SRC: variants seen among roughly 807,000 people sequenced by gnomAD.
SRC encodes proto-oncogene tyrosine-protein kinase Src.
SRC carries 13 observed loss-of-function variants against 62.9 expected under a neutral mutation model. The observed-to-expected ratio is 0.21, with a 90% CI of 0.13 to 0.33. The LOEUF (loss-of-function observed/expected upper bound fraction) is 0.33. SRC is among the 10% of genes least tolerant of loss of function. SRC has a pLI of 1.00. For missense variants in SRC, 457 were observed against 737.3 expected, an observed-to-expected ratio of 0.62 and a Z score of 4.40; for synonymous variants, 302 against 317.5, an observed-to-expected ratio of 0.95 and a Z score of 0.52.
At chr20:37,377,706 A>G (rs1285193639) in intron 2 of SRC, among the ~76,000 whole-genome samples, 1 of 152,206 alleles carries the variant, frequency 6.6e-6, no homozygotes, top group Non-Finnish European at 1.5e-5. Context: ...GAAGCTCTTG[A>G]ATATTTTTTA....
intron 2 of SRC, among the ~76,000 whole-genome samples, chr20:37,368,063 T>C (rs1431387010): frequency 6.6e-6 from 1 of 152,216 alleles, no homozygotes; most frequent in African/African-American, 2.4e-5. Flanking sequence ...AAGTTTTTAA[T>C]TGTGATGAAG....
intron 2 of SRC, among the ~76,000 whole-genome samples, chr20:37,368,544 GTTTTT>G (rs1463098892): frequency 2.7e-4 from 20 of 73,968 alleles, no homozygotes; most frequent in South Asian, 1.1e-3. Flanking sequence ...TTTTTTTTTT[GTTTTT>G]TTTTTTTTTG....
intron 2 of SRC, among the ~76,000 whole-genome samples, chr20:37,373,112 A>G (rs913560308): frequency 3.9e-5 from 5 of 127,520 alleles, no homozygotes; most frequent in African/African-American, 6.6e-5. Context: ...ACATATATGT[A>G]CACACACATA....
At chr20:37,364,121 C>G (rs2070024963) in intron 1 of SRC, among the ~76,000 whole-genome samples, 1 of 152,172 alleles carries the variant, frequency 6.6e-6, no homozygotes, top group Non-Finnish European at 1.5e-5. Context: ...TGGCTGAGAA[C>G]AGCTTCCACC....
intron 1 of SRC, among the ~76,000 whole-genome samples, chr20:37,361,136 A>AG (rs367910796): frequency 4.0e-5 from 6 of 150,860 alleles, no homozygotes; most frequent in South Asian, 2.1e-4. Context: ...GGTGGAGCTT[A>AG]GGGGGGGAAG....
chr20:37,365,938 C>G (rs1490670248), intron 2 of SRC, among the ~76,000 whole-genome samples: 1 of 151,950 alleles, frequency 6.6e-6, no homozygotes, highest in Non-Finnish European at 1.5e-5. Context: ...CTGTCCAACA[C>G]ACACAATTGA....
rs2070750121 is a variant in SRC, at chr20:37,402,338, G to A, written c.1117-97G>A. 5.5e-6 allele frequency: 8 copies of A among 1,457,894 alleles called. No individual in the cohort carries two copies. The highest frequency in any genetic ancestry group is 7.5e-6 in the Non-Finnish European group (8 of 1,073,596). 90.3% of individuals were successfully genotyped at this position (1,457,894 alleles called of 1,614,324 possible). ...TTGCCTGAAGAAGTGTGGGGAGGGT[G>A]GGGAAGGGGTGGTTGGCTCTCCAGC... On this transcript the variant is annotated intron_variant, in intron 11 of 13. Coordinates refer to ENST00000373578, the MANE Select transcript of SRC (RefSeq NM_198291.3). This position sits in a 1 kb window ranked among gnomAD's most constrained non-coding sequence, Gnocchi z 6.2.
chr20:37,354,038 G>T (rs2069844428), intron 1 of SRC, among the ~76,000 whole-genome samples: 1 of 152,192 alleles, frequency 6.6e-6, no homozygotes, highest in Non-Finnish European at 1.5e-5. Flanking sequence ...TAAGTGCTCG[G>T]TGCGTGTTAT....
At chr20:37,393,060 A>G (rs899315081) in intron 5 of SRC, among the ~76,000 whole-genome samples, 3 of 151,792 alleles carry the variant, frequency 2.0e-5, no homozygotes, top group Admixed American at 6.6e-5. Flanking sequence ...AGGGGACCCG[A>G]CCACGCCGGG....
In SRC at chr20:37,402,972, C is replaced by A; in HGVS notation, c.1402+92C>A. ...CATGACTCCTGCTGGGCCTGTTTCC[C>A]CACCCGTAAAACAAAGAAGTTGAGC... On this transcript the variant is annotated intron_variant, in intron 13 of 13. Transcript: ENST00000373578. This position sits in a 1 kb window ranked among gnomAD's most constrained non-coding sequence, Gnocchi z 6.2. The A allele has an allele frequency of 6.7e-7, 1 of 1,496,668 alleles. No individual in the cohort carries two copies. Among genetic ancestry groups the A allele is most frequent in the Non-Finnish European group, 8.9e-7 (1 of 1,118,486 alleles). The allele number at this position is 1,496,668 out of a possible 1,614,324, so 92.7% of individuals were successfully genotyped here.
At chr20:37,377,614 A>G (rs895917572) in intron 2 of SRC, among the ~76,000 whole-genome samples, 6 of 152,346 alleles carry the variant, frequency 3.9e-5, no homozygotes, top group Admixed American at 3.3e-4. Flanking sequence ...GGGACACACC[A>G]TGGGAGACGG....
chr20:37,377,304 G>T (rs2070292661), intron 2 of SRC, among the ~76,000 whole-genome samples: 1 of 152,202 alleles, frequency 6.6e-6, no homozygotes, highest in Non-Finnish European at 1.5e-5. Context: ...ATTTTAAAGG[G>T]GAGGAAACTC....
At chr20:37,375,341 C>T (rs949490931) in intron 2 of SRC, among the ~76,000 whole-genome samples, 1 of 152,062 alleles carries the variant, frequency 6.6e-6, no homozygotes, top group Non-Finnish European at 1.5e-5. Context: ...AAGTGATTCT[C>T]TCACTTCAGC....
intron 2 of SRC, among the ~76,000 whole-genome samples, chr20:37,365,669 C>T (rs946676936): frequency 5.3e-5 from 8 of 151,978 alleles, no homozygotes; most frequent in African/African-American, 1.2e-4. Context: ...ACCGTAGCTT[C>T]GAAATCCTGG....
At chr20:37,347,098 C>T (rs995563764) in intron 1 of SRC, among the ~76,000 whole-genome samples, 1 of 152,200 alleles carries the variant, frequency 6.6e-6, no homozygotes, top group Non-Finnish European at 1.5e-5. Flanking sequence ...AAGGGGCTCA[C>T]CTGTGTGGTA....
chr20:37,355,018 C>T (rs1327114567), intron 1 of SRC, among the ~76,000 whole-genome samples: 1 of 152,144 alleles, frequency 6.6e-6, no homozygotes, highest in Non-Finnish European at 1.5e-5. Flanking sequence ...GTAGAGGATA[C>T]ACGTGAGCAC....
rs1160772048 is a variant in SRC at position 37,404,111 on chromosome 20, G to A, written c.*732G>A. 3 of 233,666 alleles carry A rather than the reference G, an allele frequency of 1.3e-5. No homozygotes were observed. The highest frequency in any genetic ancestry group is 6.0e-5 in the East Asian group (1 of 16,610). The allele number at this position is 233,666 out of a possible 1,614,324, so 14.5% of individuals were successfully genotyped here. On this transcript the variant is annotated 3_prime_UTR_variant, in exon 14 of 14. Coordinates refer to ENST00000373578, the MANE Select transcript of SRC (RefSeq NM_198291.3). ...CCACGGAGCAGTTCAGAGTGGAGGC[G>A]GGCTTGGAACCCGGTGCTCCCTCTG...
At chr20:37,359,762 G>A (rs2069937445) in intron 1 of SRC, among the ~76,000 whole-genome samples, 1 of 151,864 alleles carries the variant, frequency 6.6e-6, no homozygotes, top group East Asian at 1.9e-4. Flanking sequence ...GGTCCTGGGT[G>A]CACCTGGCTG....
At chr20:37,358,352 C>T (rs890708599) in intron 1 of SRC, among the ~76,000 whole-genome samples, 3 of 152,188 alleles carry the variant, frequency 2.0e-5, no homozygotes, top group African/African-American at 7.2e-5. Flanking sequence ...GCTGAGTGGC[C>T]CCTTTCAGGT....
Sources: gnomAD v4.1 joint callset for allele counts (sites outside exome capture counted in the v4.1 genomes callset) on GRCh38, gnomAD v4.1.1 for gene constraint, Gnocchi (gnomAD v3.1) non-coding constraint, MANE v1.5 for transcripts, NCBI Gene and HGNC (gene_info 2026-07-23, HGNC 2026-07-21) for gene names.